GPBP1L1: variants seen among roughly 807,000 people sequenced by gnomAD.
GPBP1L1 encodes the protein GC-rich promoter binding protein 1 like 1.
A neutral mutation model predicts 52.5 loss-of-function variants in GPBP1L1; 23 were observed. That is an observed-to-expected ratio of 0.44 (90% CI 0.32 to 0.62). The LOEUF (loss-of-function observed/expected upper bound fraction) is 0.62, where lower values mean the gene tolerates loss of function less well. Among genes scored for constraint, GPBP1L1 ranks in the 20% least tolerant of loss-of-function variants. GPBP1L1 has a pLI of 0.06. For synonymous variants in GPBP1L1, 243 were observed against 203.1 expected (o/e 1.20, Z -1.67); for missense variants, 596 against 579.3 (o/e 1.03, Z -0.30).
At chr1:45,666,936 G>A (rs1645017241) in intron 2 of GPBP1L1, among the ~76,000 whole-genome samples, 1 of 152,150 alleles carries the variant, frequency 6.6e-6, no homozygotes, top group South Asian at 2.1e-4. Flanking sequence ...TTAAATGAAA[G>A]AAGGCAGACA....
intron 8 of GPBP1L1, among the ~76,000 whole-genome samples, chr1:45,639,096 AG>A (rs1644634460): frequency 6.6e-6 from 1 of 152,220 alleles, no homozygotes; most frequent in Non-Finnish European, 1.5e-5. Context: ...TATCAAGCAA[AG>A]CCTAAAATAT....
chr1:45,653,989 G>A (rs991647690), intron 6 of GPBP1L1, among the ~76,000 whole-genome samples: 7 of 151,838 alleles, frequency 4.6e-5, no homozygotes, highest in African/African-American at 9.7e-5. Context: ...ATGAGCCACC[G>A]AGCCCAGCCT....
chr1:45,658,913 T>C lies in GPBP1L1; in HGVS notation c.60+115A>G, dbSNP rs1644914372. Reference sequence around the variant, plus strand: ...GCTGTGATCACACTACCGCACTTCATCCTGGGTGACAGAGGGAGACCCTGT... The same window carrying C: ...GCTGTGATCACACTACCGCACTTCACCCTGGGTGACAGAGGGAGACCCTGT... On this transcript the variant is annotated intron_variant, in intron 4 of 12. Transcript: ENST00000355105. 8 of 751,796 alleles carry C rather than the reference T, an allele frequency of 1.1e-5. No individual in the cohort carries two copies. In the Admixed American group the frequency reaches 1.6e-4, roughly 15 times the overall value. The allele number at this position is 751,796 out of a possible 1,614,324, so 46.6% of individuals were successfully genotyped here.
At chr1:45,657,358 C>T (rs1255881571) in intron 4 of GPBP1L1, among the ~76,000 whole-genome samples, 1 of 152,054 alleles carries the variant, frequency 6.6e-6, no homozygotes, top group African/African-American at 2.4e-5. Context: ...CATGGCAAAA[C>T]CCTGTCTTCT....
intron 4 of GPBP1L1, among the ~76,000 whole-genome samples, chr1:45,657,513 G>C (rs1191914701): frequency 6.6e-6 from 1 of 152,108 alleles, no homozygotes; most frequent in African/African-American, 2.4e-5. Context: ...TCCAGCCTGG[G>C]CAACAGAGTA....
At chr1:45,642,933 A>C (rs1644692544) in intron 6 of GPBP1L1, among the ~76,000 whole-genome samples, 1 of 152,146 alleles carries the variant, frequency 6.6e-6, no homozygotes. Flanking sequence ...GCAGGGGCAG[A>C]CCATATGCCA....
rs1288996627 is a variant in GPBP1L1 at position 45,654,639 on chromosome 1, C to A, written c.381G>T (p.Arg127=). ...GCTTTTCCTGAAAAGCACACCCTTTCCGGGAGTGGAAGCTGCCATTCCAAT... is the reference window on the plus strand; with the variant it reads ...GCTTTTCCTGAAAAGCACACCCTTTACGGGAGTGGAAGCTGCCATTCCAAT... ...HRHWNGSFHS[R]KGCAFQEKPP... Residue 127 remains arginine (R), a synonymous_variant, in exon 6 of 13, where the codon CGG becomes CGT. Transcript: ENST00000355105. 6.2e-7 allele frequency: 1 copy of A among 1,614,168 alleles called. No individual in the cohort carries two copies. Among genetic ancestry groups the A allele is most frequent in the Admixed American group, 1.7e-5 (1 of 60,008 alleles).
Position 45,630,562 on chromosome 1 carries a change from T to C in GPBP1L1, c.1089A>G (p.Glu363=), listed in dbSNP as rs150543184. 8.7e-6 allele frequency: 14 copies of C among 1,613,912 alleles called. No individual in the cohort carries two copies. Among genetic ancestry groups the C allele is most frequent in the Admixed American group, 1.7e-5 (1 of 59,998 alleles). The change falls in exon 11 of 13, where the codon GAA becomes GAG. Residue 363 remains glutamate, a synonymous_variant. Transcript: ENST00000355105. ...STPEPKENGE[E]GCHQNGLALP... is the part of the protein sequence containing the mutation. Reference sequence around the variant, plus strand: ...GGGCAAGACCATTTTGATGACAGCCTTCCTCCCCATTTTCCTTTGGTTCAG... The same window carrying C: ...GGGCAAGACCATTTTGATGACAGCCCTCCTCCCCATTTTCCTTTGGTTCAG...
chr1:45,629,154 A>G (rs1184939273), intron 12 of GPBP1L1, among the ~76,000 whole-genome samples: 1 of 152,202 alleles, frequency 6.6e-6, no homozygotes, highest in Non-Finnish European at 1.5e-5. Context: ...AATCCAAGCA[A>G]CTGCTGGATA....
intron 2 of GPBP1L1, among the ~76,000 whole-genome samples, chr1:45,666,144 T>TC (rs398102689): frequency 1.3e-5 from 2 of 151,150 alleles, no homozygotes; most frequent in African/African-American, 4.9e-5. Flanking sequence ...TTTTTTTTTT[T>TC]AGACGGAGTC....
intron 4 of GPBP1L1, 100 bp from the exon 5 acceptor site, chr1:45,655,419 A>G: frequency 7.6e-7 from 1 of 1,320,536 alleles, no homozygotes; most frequent in South Asian, 1.3e-5. Flanking sequence ...AACAAGTAAT[A>G]ATGGTGATAG....
At chr1:45,666,780 C>T (rs530549791) in intron 2 of GPBP1L1, among the ~76,000 whole-genome samples, 48 of 152,254 alleles carry the variant, frequency 3.2e-4, no homozygotes, top group Middle Eastern at 6.8e-3. Flanking sequence ...TTCACAATAG[C>T]TACAAAGCAG....
chr1:45,637,543 G>GTTTTTTTTTTTTTTTTTTTTTTTTTTTT (rs1553179402), intron 8 of GPBP1L1, among the ~76,000 whole-genome samples: 27 of 98,760 alleles, frequency 2.7e-4, no homozygotes, highest in Non-Finnish European at 4.4e-4. Context: ...CTTTATATTA[G>GTTTTTTTTTTTTTTTTTTTTTTTTTTTT]TTTTCCAATC....
In GPBP1L1 at chr1:45,654,774, A is replaced by G; in HGVS notation, c.246T>C (p.Ser82=). 1.2e-6 allele frequency: 2 copies of G among 1,614,144 alleles called. No individual in the cohort carries two copies. The highest frequency in any genetic ancestry group is 8.5e-7 in the Non-Finnish European group (1 of 1,180,018). The change falls in exon 6 of 13, where the codon TCT becomes TCC. Residue 82 remains serine, a synonymous_variant. Transcript: ENST00000355105. ...CTGTGATTCCAGCATATGCTCCCTTAGAGACACCAGAGTCCACAGAATCAT... is the reference window on the plus strand; with the variant it reads ...CTGTGATTCCAGCATATGCTCCCTTGGAGACACCAGAGTCCACAGAATCAT... ...FRHDSVDSGV[S]KGAYAGITGN...
At chr1:45,671,497 T>C (rs967376149) in intron 2 of GPBP1L1, among the ~76,000 whole-genome samples, 1 of 152,146 alleles carries the variant, frequency 6.6e-6, no homozygotes, top group Non-Finnish European at 1.5e-5. Flanking sequence ...TGAGCCACCA[T>C]GCCCAGCCTC....
chr1:45,632,246 C>CTTT (rs1644539876), intron 10 of GPBP1L1, among the ~76,000 whole-genome samples: 1 of 151,604 alleles, frequency 6.6e-6, no homozygotes, highest in Non-Finnish European at 1.5e-5. Flanking sequence ...AGCTAAGAAG[C>CTTT]TAAATAACGT....
At chr1:45,632,146 G>A (rs1338069329) in intron 10 of GPBP1L1, among the ~76,000 whole-genome samples, 1 of 152,208 alleles carries the variant, frequency 6.6e-6, no homozygotes, top group Non-Finnish European at 1.5e-5. Flanking sequence ...GTGTTCCAGA[G>A]TTATGGTCTG....
intron 4 of GPBP1L1, among the ~76,000 whole-genome samples, chr1:45,656,792 A>G (rs949633310): frequency 6.6e-6 from 1 of 151,848 alleles, no homozygotes; most frequent in Admixed American, 6.6e-5. Context: ...TAGCCTCCCA[A>G]GTAGCTGAGA....
At chr1:45,658,622 G>A (rs1269541206) in intron 4 of GPBP1L1, 1 of 180,880 alleles carries the variant, frequency 5.5e-6, no homozygotes, top group African/African-American at 2.3e-5. Flanking sequence ...ACACGAGGTT[G>A]AATATATTAA....
Sources: allele counts gnomAD v4.1 joint callset (sites outside exome capture counted in the v4.1 genomes callset), GRCh38; gene constraint gnomAD v4.1.1; transcripts MANE v1.5; gene names NCBI Gene and HGNC (gene_info 2026-07-23, HGNC 2026-07-21).